ADGRL3: variants seen among roughly 807,000 people sequenced by gnomAD.
The protein encoded by ADGRL3 is calcium-independent alpha-latrotoxin receptor 3.
In ADGRL3, 62 loss-of-function variants were observed where a neutral mutation model predicts 153.5. The ratio of observed to expected loss-of-function variants is 0.40; its 90% CI spans 0.33 to 0.50. The LOEUF is 0.50. Among genes scored for constraint, ADGRL3 ranks in the 20% least tolerant of loss-of-function variants. The probability of loss-of-function intolerance (pLI) is 0.47; values close to 1 mark genes in which losing one functional copy is unlikely to be tolerated. For missense variants in ADGRL3, 1,641 were observed against 1,859.4 expected (o/e 0.88, Z 2.16); for synonymous variants, 710 against 672.5 (o/e 1.06, Z -0.86).
chr4:61,710,550 GA>G (rs2095954376), intron 6 of ADGRL3, among the ~76,000 whole-genome samples: 1 of 152,150 alleles, frequency 6.6e-6, no homozygotes, highest in Non-Finnish European at 1.5e-5. Flanking sequence ...TTGAGTATTT[GA>G]ATTTTCAAGT....
intron 21 of ADGRL3, among the ~76,000 whole-genome samples, chr4:62,000,583 C>G (rs1445442703): frequency 6.6e-6 from 1 of 151,960 alleles, no homozygotes; most frequent in African/African-American, 2.4e-5. Context: ...AGGTTATATT[C>G]TTTGGAAAGT....
intron 1 of ADGRL3, among the ~76,000 whole-genome samples, chr4:61,291,554 G>A (rs1383341043): frequency 1.3e-5 from 1 of 75,274 alleles, no homozygotes; most frequent in Non-Finnish European, 3.0e-5. Context: ...ATGAAGGGAA[G>A]ACTATATATA....
intron 1 of ADGRL3, among the ~76,000 whole-genome samples, chr4:61,212,590 A>G (rs190299290): frequency 0.023 from 3,366 of 146,178 alleles, 54 homozygotes; most frequent in Middle Eastern, 0.058. Flanking sequence ...TAAAGCTATT[A>G]TATGTATTGT....
At chr4:61,545,463 T>G (rs2098709110) in intron 4 of ADGRL3, among the ~76,000 whole-genome samples, 1 of 152,218 alleles carries the variant, frequency 6.6e-6, no homozygotes. Context: ...ATTTCCAGAC[T>G]GCTCATTAGC....
At chr4:61,541,842 T>TAC (rs3075148) in intron 4 of ADGRL3, among the ~76,000 whole-genome samples, 52,413 of 146,252 alleles carry the variant, frequency 0.36, 9,555 homozygotes, top group Non-Finnish European at 0.42. Context: ...TGTGTGTGTA[T>TAC]ACACACACAC....
At chr4:61,931,493 GA>G (rs2098817347) in intron 13 of ADGRL3, among the ~76,000 whole-genome samples, 1 of 152,174 alleles carries the variant, frequency 6.6e-6, no homozygotes, top group Non-Finnish European at 1.5e-5. Flanking sequence ...GAAGTATAGA[GA>G]AGTTAAGTAA....
At chr4:61,233,411 A>T (rs552387889) in intron 1 of ADGRL3, among the ~76,000 whole-genome samples, 4 of 151,964 alleles carry the variant, frequency 2.6e-5, no homozygotes, top group African/African-American at 9.7e-5. Context: ...TTTCTGCCTT[A>T]GTAGATTAAT....
chr4:61,210,781 C>A (rs978106153), intron 1 of ADGRL3, among the ~76,000 whole-genome samples: 1 of 152,048 alleles, frequency 6.6e-6, no homozygotes, highest in Non-Finnish European at 1.5e-5. Context: ...GACTTCAAGG[C>A]GTGGACAAAG....
chr4:61,343,716 G>A (rs1391983334), intron 1 of ADGRL3, among the ~76,000 whole-genome samples: 1 of 152,164 alleles, frequency 6.6e-6, no homozygotes, highest in African/African-American at 2.4e-5. Context: ...TAAATCCACA[G>A]TGCATAATAT....
intron 21 of ADGRL3, among the ~76,000 whole-genome samples, chr4:62,005,568 A>C (rs1581840380): frequency 6.6e-6 from 1 of 152,158 alleles, no homozygotes; most frequent in Admixed American, 6.6e-5. Flanking sequence ...TAATGAAAAC[A>C]TAAAAATTAG....
At chr4:61,357,899 G>T (rs2096208184) in intron 1 of ADGRL3, among the ~76,000 whole-genome samples, 2 of 151,986 alleles carry the variant, frequency 1.3e-5, no homozygotes, top group Non-Finnish European at 2.9e-5. Context: ...AAACTTCAAG[G>T]TTTAAATAAA....
intron 11 of ADGRL3, among the ~76,000 whole-genome samples, 186 bp downstream of exon 11, chr4:61,896,020 A>G (rs954108331): frequency 6.6e-6 from 1 of 152,256 alleles, no homozygotes; most frequent in East Asian, 1.9e-4. Context: ...GTGCAAATCC[A>G]TGAATTTCTT....
At chr4:61,838,079 T>C (rs1561333151) in intron 9 of ADGRL3, among the ~76,000 whole-genome samples, 1 of 152,094 alleles carries the variant, frequency 6.6e-6, no homozygotes, top group Admixed American at 6.6e-5. Flanking sequence ...ATAAAGTTTT[T>C]TTCTCATGAA....
intron 1 of ADGRL3, among the ~76,000 whole-genome samples, chr4:61,315,532 A>G (rs2095175930): frequency 6.6e-6 from 1 of 152,168 alleles, no homozygotes; most frequent in Non-Finnish European, 1.5e-5. Flanking sequence ...TAGCAATGTT[A>G]AAAAGTATAG....
At chr4:61,213,850 C>A (rs550292148) in intron 1 of ADGRL3, among the ~76,000 whole-genome samples, 1 of 152,162 alleles carries the variant, frequency 6.6e-6, no homozygotes, top group Non-Finnish European at 1.5e-5. Flanking sequence ...TTGGCCTGTT[C>A]TCTAATTTTT....
At chr4:61,737,501 C>T (rs2096533276) in intron 8 of ADGRL3, among the ~76,000 whole-genome samples, 1 of 152,138 alleles carries the variant, frequency 6.6e-6, no homozygotes, top group African/African-American at 2.4e-5. Context: ...TGAATTCTCT[C>T]TATCTCTTGT....
chr4:61,280,127 T>G lies in ADGRL3; in HGVS notation c.-240+78362T>G, dbSNP rs1233304112. On this transcript the variant is annotated intron_variant, in intron 1 of 26. Coordinates refer to ENST00000683033, the MANE Select transcript of ADGRL3 (RefSeq NM_001387552.1). ...CTTTTCTTTTTCTTTTTTTTTTTTT[T>G]GAGACCGAGTCTCGCTCTGTTGCCC... is the stretch of plus-strand genomic sequence containing the variant. Among the ~76,000 whole-genome samples the G allele has an allele frequency of 8.4e-4, 114 of 136,182 alleles. No homozygotes were observed. In the Middle Eastern group the frequency reaches 0.012, roughly 14 times the overall value. 89.3% of individuals were successfully genotyped at this position (136,182 alleles called of 152,430 possible).
chr4:61,350,019 T>C (rs1052658021), intron 1 of ADGRL3, among the ~76,000 whole-genome samples: 19 of 152,196 alleles, frequency 1.2e-4, no homozygotes, highest in Non-Finnish European at 2.4e-4. Flanking sequence ...GGTTATCATC[T>C]GGCCAGTGAT....
In ADGRL3 at chr4:61,747,748, A is replaced by G. The variant is rs1285592070; in HGVS notation, c.1399+14194A>G. Among the ~76,000 whole-genome samples, 8 of 149,654 alleles carry G rather than the reference A, an allele frequency of 5.3e-5. No homozygotes were observed. The East Asian group carries it at 1.2e-3, about 22-fold the overall frequency. On this transcript the variant is annotated intron_variant, in intron 8 of 26. Transcript: ENST00000683033. ...TATCTATGACAAACCCACAGCCAATATCATACTGAATGGGCAAAAACTGGA... is the reference window on the plus strand; with the variant it reads ...TATCTATGACAAACCCACAGCCAATGTCATACTGAATGGGCAAAAACTGGA...
Sources: allele counts gnomAD v4.1 joint callset (sites outside exome capture counted in the v4.1 genomes callset), GRCh38; gene constraint gnomAD v4.1.1; transcripts MANE v1.5; gene names NCBI Gene and HGNC (gene_info 2026-07-23, HGNC 2026-07-21).